Variants in DCDC2 observed in about 807,000 individuals in gnomAD.
DCDC2 encodes doublecortin domain containing 2.
Under a neutral mutation model 50.2 loss-of-function variants are expected in DCDC2, and 40 were observed. The ratio of observed to expected loss-of-function variants is 0.80; its 90% CI spans 0.62 to 1.04. The LOEUF (loss-of-function observed/expected upper bound fraction) is 1.04. DCDC2 is among the 50% of genes least tolerant of loss of function. The pLI, the probability that DCDC2 is intolerant of heterozygous loss-of-function variation, is 0.00. For missense variants in DCDC2, 570 were observed against 581.9 expected (o/e 0.98, Z 0.21); for synonymous variants, 234 against 210.6 (o/e 1.11, Z -0.96).
At chr6:24,265,180 G>T (rs959770896) in intron 7 of DCDC2, among the ~76,000 whole-genome samples, 4 of 151,906 alleles carry the variant, frequency 2.6e-5, no homozygotes, top group Admixed American at 6.6e-5. Flanking sequence ...AGACAGAGAA[G>T]GTCATTATAT....
chr6:24,213,523 C>CA (rs1164171486), intron 7 of DCDC2, among the ~76,000 whole-genome samples: 3 of 151,982 alleles, frequency 2.0e-5, no homozygotes, highest in Non-Finnish European at 4.4e-5. Flanking sequence ...TCACCAGAGG[C>CA]AAAATTAAAA....
In DCDC2 at chr6:24,172,618, C is replaced by T. The variant is rs538495462; in HGVS notation, c.*2112G>A. On this transcript the variant is annotated 3_prime_UTR_variant, in exon 10 of 10. Transcript: ENST00000378454. Reference sequence around the variant, plus strand: ...TCACCTTGATAATTAGTTATAATTTCTTACATTTAATCAGTTATTTTTAGA... The same window carrying T: ...TCACCTTGATAATTAGTTATAATTTTTTACATTTAATCAGTTATTTTTAGA... 6.6e-6 allele frequency: 1 copy of T among 151,440 alleles called. No homozygotes were observed. The highest frequency in any genetic ancestry group is 2.1e-4 in the South Asian group (1 of 4,820). 9.4% of individuals were successfully genotyped at this position (151,440 alleles called of 1,614,324 possible).
intron 4 of DCDC2, among the ~76,000 whole-genome samples, chr6:24,300,747 A>G (rs1159317755): frequency 6.6e-6 from 1 of 152,214 alleles, no homozygotes; most frequent in South Asian, 2.1e-4. Context: ...AGCAGTATAT[A>G]CATATACATA....
intron 7 of DCDC2, among the ~76,000 whole-genome samples, chr6:24,256,699 T>C (rs144196011): frequency 7.7e-4 from 118 of 152,352 alleles, no homozygotes; most frequent in African/African-American, 2.5e-3. Context: ...TGCCCCATCA[T>C]ATAATGTGAG....
intron 8 of DCDC2, among the ~76,000 whole-genome samples, chr6:24,188,543 T>C (rs2113748584): frequency 6.6e-6 from 1 of 152,310 alleles, no homozygotes; most frequent in South Asian, 2.1e-4. Flanking sequence ...AAGGTTTTTT[T>C]ATATTTTATA....
intron 2 of DCDC2, among the ~76,000 whole-genome samples, chr6:24,316,815 C>A (rs1326301736): frequency 6.6e-6 from 1 of 151,894 alleles, no homozygotes; most frequent in Non-Finnish European, 1.5e-5. Context: ...TATTAAGTAA[C>A]TTATGACATC....
intron 7 of DCDC2, among the ~76,000 whole-genome samples, chr6:24,230,851 C>T (rs766065457): frequency 1.4e-4 from 21 of 152,204 alleles, no homozygotes; most frequent in Non-Finnish European, 2.5e-4. Flanking sequence ...GTACTAGCTC[C>T]TTATCCTTTT....
At chr6:24,350,439 C>T (rs951355442) in intron 2 of DCDC2, among the ~76,000 whole-genome samples, 4 of 152,100 alleles carry the variant, frequency 2.6e-5, no homozygotes, top group African/African-American at 7.2e-5. Context: ...AAGGTCTTTC[C>T]GTATAAAATG....
chr6:24,328,228 G>A (rs949569462), intron 2 of DCDC2, among the ~76,000 whole-genome samples: 11 of 152,190 alleles, frequency 7.2e-5, no homozygotes, highest in African/African-American at 2.7e-4. Context: ...CTGCCTACTG[G>A]CACTGAGTTG....
At chr6:24,318,915 G>C (rs986626886) in intron 2 of DCDC2, among the ~76,000 whole-genome samples, 21 of 151,922 alleles carry the variant, frequency 1.4e-4, no homozygotes, top group African/African-American at 5.1e-4. Context: ...TATCTTTTTT[G>C]ATGTAATGAT....
At chr6:24,344,297 G>C (rs1205701724) in intron 2 of DCDC2, among the ~76,000 whole-genome samples, 2 of 152,038 alleles carry the variant, frequency 1.3e-5, no homozygotes, top group Non-Finnish European at 2.9e-5. Flanking sequence ...AAGTCAGGCA[G>C]AGAAAAAACA....
chr6:24,342,491 C>G (rs1760177959), intron 2 of DCDC2, among the ~76,000 whole-genome samples: 1 of 152,178 alleles, frequency 6.6e-6, no homozygotes, highest in Admixed American at 6.5e-5. Flanking sequence ...GGGCAGCGCT[C>G]CTTCTGGGCT....
At chr6:24,363,704 T>C in the DCDC2 span, among the ~76,000 whole-genome samples, 2 of 152,184 alleles carry the variant, frequency 1.3e-5, no homozygotes, top group African/African-American at 4.8e-5. Context: ...ATTCTATCTC[T>C]CAAATATTTT....
At chr6:24,318,058 T>C (rs1759704861) in intron 2 of DCDC2, among the ~76,000 whole-genome samples, 2 of 152,096 alleles carry the variant, frequency 1.3e-5, no homozygotes, top group South Asian at 2.1e-4. Flanking sequence ...GGAACACGAA[T>C]TGGCACAAAG....
the DCDC2 span, among the ~76,000 whole-genome samples, chr6:24,378,956 G>GAA: frequency 0.021 from 1,377 of 66,802 alleles, 38 homozygotes; most frequent in African/African-American, 0.04. Context: ...GTCTCATTTG[G>GAA]AAAAAAAAAA....
intron 8 of DCDC2, among the ~76,000 whole-genome samples, chr6:24,184,923 T>C (rs1013312298): frequency 1.3e-4 from 20 of 152,326 alleles, no homozygotes; most frequent in African/African-American, 4.6e-4. Flanking sequence ...ACTCATAATT[T>C]ACTGTAACTT....
At chr6:24,246,479 C>CTTTTTTTTTTTTTTTTTTT (rs4052666) in intron 7 of DCDC2, among the ~76,000 whole-genome samples, 3 of 70,790 alleles carry the variant, frequency 4.2e-5, no homozygotes, top group Non-Finnish European at 4.7e-5. Context: ...TTTTCTTTTT[C>CTTTTTTTTTTTTTTTTTTT]TTTTTTTTTT....
Position 24,262,257 on chromosome 6 carries a change from A to G in DCDC2, c.922+15792T>C, listed in dbSNP as rs377444322. Among the ~76,000 whole-genome samples, 9 of 152,222 alleles carry G rather than the reference A, an allele frequency of 5.9e-5. No homozygotes were observed. In the East Asian group the frequency reaches 1.7e-3, roughly 29 times the overall value. ...GTCACAGCAGAAAGCAACATGGGGC[A>G]GAATTCAGCCAGTGCCCATGGAGGG... is the stretch of plus-strand genomic sequence containing the variant. On this transcript the variant is annotated intron_variant, in intron 7 of 9. Coordinates refer to ENST00000378454, the MANE Select transcript of DCDC2 (RefSeq NM_016356.5).
At chr6:24,197,056 G>T (rs1307788795) in intron 8 of DCDC2, among the ~76,000 whole-genome samples, 1 of 151,572 alleles carries the variant, frequency 6.6e-6, no homozygotes, top group Non-Finnish European at 1.5e-5. Flanking sequence ...GACCAAGAGA[G>T]TCCAAGAAGA....
Sources: allele counts gnomAD v4.1 joint callset (sites outside exome capture counted in the v4.1 genomes callset), GRCh38; gene constraint gnomAD v4.1.1; transcripts MANE v1.5; gene names NCBI Gene and HGNC (gene_info 2026-07-23, HGNC 2026-07-21).